Variants in ARHGEF7 observed in about 807,000 individuals in gnomAD.
ARHGEF7 encodes PAK-interacting exchange factor beta.
Under a neutral mutation model 109.8 loss-of-function variants are expected in ARHGEF7, and 33 were observed. That is an observed-to-expected ratio of 0.30 (90% CI 0.23 to 0.40). ARHGEF7 has a LOEUF of 0.40. Ranked by LOEUF, ARHGEF7 falls within the 10% of genes least tolerant of loss-of-function variation. The pLI is 1.00. For missense variants in ARHGEF7, 938 were observed against 1,098.5 expected (o/e 0.85, Z 2.07); for synonymous variants, 458 against 424.6 (o/e 1.08, Z -0.97).
At chr13:111,146,573 A>G (rs1286198351) in intron 1 of ARHGEF7, among the ~76,000 whole-genome samples, 2 of 152,208 alleles carry the variant, frequency 1.3e-5, no homozygotes, top group Non-Finnish European at 1.5e-5. Flanking sequence ...ACTATTTTCT[A>G]CTGGTGATCT....
At chr13:111,243,180 G>A (rs189705305) in intron 6 of ARHGEF7, among the ~76,000 whole-genome samples, 215 of 152,252 alleles carry the variant, frequency 1.4e-3, no homozygotes, top group African/African-American at 4.6e-3. Context: ...AAAGTCTGTA[G>A]TTCCCAGAAA....
At chr13:111,204,925 C>CCTCTGTGTTAAT (rs1486474274) in intron 2 of ARHGEF7, among the ~76,000 whole-genome samples, 1 of 152,208 alleles carries the variant, frequency 6.6e-6, no homozygotes, top group Non-Finnish European at 1.5e-5. Flanking sequence ...TTGCCTGGGG[C>CCTCTGTGTTAAT]CTCTGTGTTA....
rs530218733 is a variant in ARHGEF7, at chr13:111,173,485, C to G, written c.252+19494C>G. Among the ~76,000 whole-genome samples the G allele has an allele frequency of 2.0e-5, 3 of 152,310 alleles. No homozygotes were observed. In the South Asian group the frequency reaches 6.2e-4, roughly 32 times the overall value. On this transcript the variant is annotated intron_variant, in intron 2 of 21. Transcript: ENST00000646102. ...CTCCACCTTCGTACCTACTTTGTGGCATCAGTTGGAGATGCTCTGTAGCGT... is the reference window on the plus strand; with the variant it reads ...CTCCACCTTCGTACCTACTTTGTGGGATCAGTTGGAGATGCTCTGTAGCGT...
At chr13:111,187,607 T>C (rs996150289) in intron 2 of ARHGEF7, among the ~76,000 whole-genome samples, 17 of 152,256 alleles carry the variant, frequency 1.1e-4, no homozygotes, top group Non-Finnish European at 2.4e-4. Context: ...CATTGTGTTA[T>C]ATATTAGACA....
chr13:111,227,513 C>T lies in ARHGEF7; in HGVS notation c.671-5692C>T, dbSNP rs2085371341. Among the ~76,000 whole-genome samples, 10 of 152,086 alleles carry T rather than the reference C, an allele frequency of 6.6e-5. 1 individual carries two copies. The South Asian group carries it at 2.1e-3, about 31-fold the overall frequency. On this transcript the variant is annotated intron_variant, in intron 5 of 21. Transcript: ENST00000646102. ...ATTTTTTTAGAAACTTTTTTTTTAA[C>T]TAAGGAATGTACTTTTTTTAAAGAC...
chr13:111,132,867 G>A (rs192247352), intron 1 of ARHGEF7, among the ~76,000 whole-genome samples: 1 of 151,858 alleles, frequency 6.6e-6, no homozygotes, highest in East Asian at 1.9e-4. Context: ...GAGTGTTATT[G>A]GGAGTAGGGG....
At position 111,244,215 on chromosome 13, in the gene ARHGEF7, A is replaced by G. The variant is rs768264835; in HGVS notation, c.871A>G (p.Ile291Val). ...QTSEKLSSAN[I>V]SYLMGNLEEI... ...TGGCTCTAGGTTAAGTTCAGCAAAC[A>G]TTTCATATTTAATGGGAAATCTAGA... The change falls in exon 8 of 22, where the codon ATT (isoleucine) becomes GTT (valine). Residue 291 changes from isoleucine (I) to valine (V), a missense_variant. Around this residue, in one of 4 missense-constraint regions of ARHGEF7, gnomAD observed 585 missense variants for 723.6 expected, o/e 0.81. Transcript: ENST00000646102. 1.2e-6 allele frequency: 2 copies of G among 1,607,126 alleles called. No individual in the cohort carries two copies. Among genetic ancestry groups the G allele is most frequent in the Non-Finnish European group, 1.7e-6 (2 of 1,176,314 alleles).
chr13:111,293,680 T>C, intron 19 of ARHGEF7: 1 of 985,418 alleles, frequency 1.0e-6, no homozygotes, highest in Non-Finnish European at 1.2e-6. Flanking sequence ...TGAAACCAGC[T>C]TCAGAAAACA....
intron 2 of ARHGEF7, among the ~76,000 whole-genome samples, chr13:111,171,990 A>G (rs978710498): frequency 1.3e-5 from 2 of 152,192 alleles, no homozygotes; most frequent in Non-Finnish European, 2.9e-5. Context: ...CAGTTCCAGA[A>G]CTGTGAGAAT....
At chr13:111,121,986 C>T (rs1158487861) in intron 1 of ARHGEF7, among the ~76,000 whole-genome samples, 3 of 152,222 alleles carry the variant, frequency 2.0e-5, no homozygotes, top group Non-Finnish European at 2.9e-5. Flanking sequence ...CCTTCCCCAT[C>T]GTGTCCAGAA....
intron 2 of ARHGEF7, among the ~76,000 whole-genome samples, chr13:111,180,385 T>A (rs2078620376): frequency 6.6e-6 from 1 of 152,150 alleles, no homozygotes; most frequent in African/African-American, 2.4e-5. Flanking sequence ...TAGAAGGAAG[T>A]TGATTGACAG....
chr13:111,277,569 TTTC>T lies in ARHGEF7; in HGVS notation c.1420-15_1420-13del. On this transcript the variant is annotated splice_polypyrimidine_tract_variant and intron_variant, in intron 12 of 21. Transcript: ENST00000646102. ...GATGTTTTTTAAGAAATGTTTTGGA[TTTC>T]TTTTTTTGTATTAGGAAAAGAATGA... The T allele has an allele frequency of 6.6e-7, 1 of 1,510,608 alleles. No individual in the cohort carries two copies. Among genetic ancestry groups the T allele is most frequent in the Non-Finnish European group, 9.2e-7 (1 of 1,091,146 alleles). 93.6% of individuals were successfully genotyped at this position (1,510,608 alleles called of 1,614,324 possible). A position where few individuals can be genotyped will look rare whatever the true frequency, so the allele number is the denominator to read the frequency against.
chr13:111,229,791 C>G (rs967785975), intron 5 of ARHGEF7, among the ~76,000 whole-genome samples: 7 of 152,138 alleles, frequency 4.6e-5, no homozygotes, highest in African/African-American at 1.4e-4. Context: ...ACTGGTAGTC[C>G]TGCAAGAGGA....
In ARHGEF7 at chr13:111,217,815, A is replaced by G; in HGVS notation, c.605A>G (p.Glu202Gly). The change falls in exon 5 of 22, where the codon GAG becomes GGG. Residue 202 changes from glutamate to glycine, a missense_variant. Physicochemically the swap from Glu to Gly is moderately conservative, Grantham distance 98 (BLOSUM62 -2). This residue lies in a region of ARHGEF7 where 585 missense variants were observed against 723.6 expected (regional missense o/e 0.81). Coordinates refer to ENST00000646102, the MANE Select transcript of ARHGEF7 (RefSeq NM_001354046.2). ...VTRVEEGGWW[E>G]GTLNGRTGWF... ...CGTGTGGAAGAGGGAGGCTGGTGGG[A>G]GGGCACACTCAACGGCCGGACCGGC... is the stretch of plus-strand genomic sequence containing the variant. 1 of 1,614,206 alleles carries G rather than the reference A, an allele frequency of 6.2e-7. No individual in the cohort carries two copies. The highest frequency in any genetic ancestry group is 8.5e-7 in the Non-Finnish European group (1 of 1,180,012).
At chr13:111,117,789 G>A (rs1166855647) in intron 1 of ARHGEF7, among the ~76,000 whole-genome samples, 5 of 151,730 alleles carry the variant, frequency 3.3e-5, no homozygotes, top group South Asian at 2.1e-4. Flanking sequence ...CTTGAACTCC[G>A]GGCCTCAAGG....
At chr13:111,299,202 G>A (rs975779704) in intron 19 of ARHGEF7, among the ~76,000 whole-genome samples, 1 of 152,182 alleles carries the variant, frequency 6.6e-6, no homozygotes, top group African/African-American at 2.4e-5. Context: ...CCTGTTGCAC[G>A]CTGCTGTGGA....
chr13:111,193,200 CACCCCGAGG>C, intron 2 of ARHGEF7, among the ~76,000 whole-genome samples: 1 of 152,304 alleles, frequency 6.6e-6, no homozygotes, highest in African/African-American at 2.4e-5. Flanking sequence ...TGTCATTAAC[CACCCCGAGG>C]GGAGACAACT....
At chr13:111,192,510 A>G (rs2080012358) in intron 2 of ARHGEF7, among the ~76,000 whole-genome samples, 1 of 152,252 alleles carries the variant, frequency 6.6e-6, no homozygotes, top group South Asian at 2.1e-4. Context: ...TCGTCCATAC[A>G]GCATTTCATA....
intron 8 of ARHGEF7, among the ~76,000 whole-genome samples, chr13:111,263,159 C>G (rs541289473): frequency 6.6e-6 from 1 of 152,272 alleles, no homozygotes; most frequent in African/African-American, 2.4e-5. Flanking sequence ...TATGTTGGCA[C>G]GTTATGCTCG....
Sources: gnomAD v4.1 joint callset for allele counts (sites outside exome capture counted in the v4.1 genomes callset) on GRCh38, gnomAD v4.1.1 for gene constraint, gnomAD v4.1.1 regional missense constraint, MANE v1.5 for transcripts, NCBI Gene and HGNC (gene_info 2026-07-23, HGNC 2026-07-21) for gene names.